SMYD3: variants seen among roughly 807,000 people sequenced by gnomAD.
SMYD3 encodes SET and MYND domain containing 3.
A neutral mutation model predicts 57.7 loss-of-function variants in SMYD3; 36 were observed. The ratio of observed to expected loss-of-function variants is 0.62; its 90% CI spans 0.48 to 0.82. SMYD3 has a LOEUF of 0.82. SMYD3 is among the 40% of genes least tolerant of loss of function. SMYD3 has a pLI of 0.00. For missense variants in SMYD3, 515 were observed against 538.8 expected, an observed-to-expected ratio of 0.96 and a Z score of 0.44; for synonymous variants, 211 against 195.0, an observed-to-expected ratio of 1.08 and a Z score of -0.68.
intron 5 of SMYD3, among the ~76,000 whole-genome samples, chr1:246,104,600 G>A (rs2061082851): frequency 6.6e-6 from 1 of 152,118 alleles, no homozygotes; most frequent in South Asian, 2.1e-4. Flanking sequence ...TGGTCATGTT[G>A]CAATAGGACG....
intron 10 of SMYD3, among the ~76,000 whole-genome samples, chr1:245,815,389 C>T (rs189573538): frequency 6.6e-6 from 1 of 152,334 alleles, no homozygotes; most frequent in African/African-American, 2.4e-5. Context: ...TCTCCATGGT[C>T]ATCTAGTCCA....
At chr1:246,189,611 G>C (rs1043825465) in intron 5 of SMYD3, among the ~76,000 whole-genome samples, 6 of 152,096 alleles carry the variant, frequency 3.9e-5, no homozygotes, top group African/African-American at 1.4e-4. Context: ...ATATACTCTG[G>C]GAGAAATTCT....
chr1:245,789,038 T>G (rs1455478990), intron 10 of SMYD3: 1 of 152,030 alleles, frequency 6.6e-6, no homozygotes, highest in Non-Finnish European at 1.5e-5. Flanking sequence ...TATCACGGAG[T>G]ATCCTTTGAA....
chr1:246,009,140 G>C (rs1408234339), intron 5 of SMYD3, among the ~76,000 whole-genome samples: 1 of 152,168 alleles, frequency 6.6e-6, no homozygotes, highest in African/African-American at 2.4e-5. Flanking sequence ...CGACAGGTGT[G>C]TATCGTTGGG....
At chr1:246,262,064 G>C (rs1057460885) in intron 5 of SMYD3, among the ~76,000 whole-genome samples, 3 of 152,054 alleles carry the variant, frequency 2.0e-5, no homozygotes, top group Non-Finnish European at 2.9e-5. Flanking sequence ...TGTTACAGAG[G>C]GCAACTAATT....
At chr1:246,356,092 C>T (rs769880574) in intron 1 of SMYD3, among the ~76,000 whole-genome samples, 29 of 151,772 alleles carry the variant, frequency 1.9e-4, no homozygotes, top group Non-Finnish European at 3.8e-4. Context: ...CCACTTCACG[C>T]CCCTGCTACC....
chr1:246,206,948 C>A (rs1293139170), intron 5 of SMYD3, among the ~76,000 whole-genome samples: 1 of 152,126 alleles, frequency 6.6e-6, no homozygotes, highest in African/African-American at 2.4e-5. Context: ...TTCAGAAGCA[C>A]TGATTCACCG....
chr1:245,897,929 G>A (rs2053934529), intron 8 of SMYD3, among the ~76,000 whole-genome samples: 1 of 152,040 alleles, frequency 6.6e-6, no homozygotes, highest in African/African-American at 2.4e-5. Context: ...AATCAGCTAT[G>A]ATGAAGAATA....
chr1:246,034,220 C>A (rs1014780419), intron 5 of SMYD3, among the ~76,000 whole-genome samples: 4 of 152,184 alleles, frequency 2.6e-5, no homozygotes, highest in African/African-American at 9.7e-5. Context: ...ATGAAAGGGT[C>A]TGATCATAAC....
At position 245,956,779 on chromosome 1, in the gene SMYD3, C is replaced by T. The variant is rs530635588; in HGVS notation, c.532-26842G>A. 2.8e-4 allele frequency among the ~76,000 whole-genome samples: 43 copies of T among 152,296 alleles called. 1 individual carries two copies. The highest frequency in any genetic ancestry group is 1.9e-3 in the Admixed American group (29 of 15,298). ...CTTGATTTCCTTCCTTGCCTGCCAG[C>T]GAAGTCATCTTCCAGCAACTTCTTC... On this transcript the variant is annotated intron_variant, in intron 5 of 11. Coordinates refer to ENST00000490107, the MANE Select transcript of SMYD3 (RefSeq NM_001167740.2).
intron 5 of SMYD3, among the ~76,000 whole-genome samples, chr1:246,237,082 T>G (rs933328379): frequency 6.6e-6 from 1 of 152,114 alleles, no homozygotes; most frequent in Non-Finnish European, 1.5e-5. Flanking sequence ...ATTAACTCAA[T>G]AGCATCCCCC....
intron 2 of SMYD3, among the ~76,000 whole-genome samples, chr1:246,337,232 T>A (rs1333201651): frequency 6.6e-6 from 1 of 152,180 alleles, no homozygotes; most frequent in Admixed American, 6.5e-5. Flanking sequence ...CACAATATCA[T>A]GTTGACCCTA....
chr1:246,462,437 G>A (rs2067816526), intron 1 of SMYD3, among the ~76,000 whole-genome samples: 1 of 152,092 alleles, frequency 6.6e-6, no homozygotes, highest in Non-Finnish European at 1.5e-5. Context: ...TGGGGGCCTG[G>A]CCTCAAGTCA....
At chr1:245,932,195 A>G (rs550029742) in intron 5 of SMYD3, among the ~76,000 whole-genome samples, 9 of 151,580 alleles carry the variant, frequency 5.9e-5, no homozygotes, top group African/African-American at 2.2e-4. Flanking sequence ...TTAACTTCTG[A>G]ATCAAACCAG....
rs116670257 is a variant in SMYD3 at position 246,066,114 on chromosome 1, G to A, written c.532-136177C>T. Among the ~76,000 whole-genome samples the A allele has an allele frequency of 6.8e-3, 1,039 of 152,296 alleles. 8 individuals carry two copies. Among genetic ancestry groups the A allele is most frequent in the Middle Eastern group, 0.01 (3 of 294 alleles). On this transcript the variant is annotated intron_variant, in intron 5 of 11. Transcript: ENST00000490107. ...AAACCTTAAGGAAGATTAAAAGCTC[G>A]TCACCACATAAATGTCTAAAGTTAT...
At chr1:246,082,696 G>T (rs1212469537) in intron 5 of SMYD3, among the ~76,000 whole-genome samples, 1 of 152,122 alleles carries the variant, frequency 6.6e-6, no homozygotes, top group Non-Finnish European at 1.5e-5. Flanking sequence ...GTGGGGAAAA[G>T]AAAGAGAGAT....
intron 5 of SMYD3, among the ~76,000 whole-genome samples, chr1:246,233,715 CACAGAGGAGAA>C (rs2063463786): frequency 1.5e-5 from 2 of 136,774 alleles, no homozygotes; most frequent in African/African-American, 5.8e-5. Context: ...ACATATACCA[CACAGAGGAGAA>C]GCACTCCTCA....
At chr1:246,284,667 C>A (rs573987831) in intron 5 of SMYD3, among the ~76,000 whole-genome samples, 2 of 152,136 alleles carry the variant, frequency 1.3e-5, no homozygotes, top group African/African-American at 4.8e-5. Flanking sequence ...CCGCCCACCT[C>A]AGCCTCCCAA....
rs1432473264 is a variant in SMYD3, at chr1:246,054,874, A to T, written c.532-124937T>A. Among the ~76,000 whole-genome samples, 30 of 79,196 alleles carry T rather than the reference A, an allele frequency of 3.8e-4. No homozygotes were observed. The South Asian group carries it at 4.2e-3, about 11-fold the overall frequency. The allele number at this position is 79,196 out of a possible 152,430, so 52.0% of individuals were successfully genotyped here. A position where few individuals can be genotyped will look rare whatever the true frequency, so the allele number is the denominator to read the frequency against. ...CCTTAACACTCATTAGGATGACTAT[A>T]AAAAAAAAAAAAAAAAAAAGGCCAG... On this transcript the variant is annotated intron_variant, in intron 5 of 11. Transcript: ENST00000490107.
Sources: allele counts gnomAD v4.1 joint callset (sites outside exome capture counted in the v4.1 genomes callset), GRCh38; gene constraint gnomAD v4.1.1; transcripts MANE v1.5; gene names NCBI Gene and HGNC (gene_info 2026-07-23, HGNC 2026-07-21).